The following AKAP9 variants were observed in gnomAD, a reference collection of about 807,000 sequenced individuals.
AKAP9 encodes A-kinase anchoring protein 9.
Under a neutral mutation model 488.5 loss-of-function variants are expected in AKAP9, and 311 were observed. The observed-to-expected ratio is 0.64, with a 90% confidence interval of 0.58 to 0.70. AKAP9 has a LOEUF of 0.70. Among genes scored for constraint, AKAP9 ranks in the 30% least tolerant of loss-of-function variants. The probability of loss-of-function intolerance (pLI) is 0.00; values close to 1 mark genes in which losing one functional copy is unlikely to be tolerated. For synonymous variants in AKAP9, 1,462 were observed against 1,483.5 expected (o/e 0.99, Z 0.33); for missense variants, 4,215 against 4,374.5 (o/e 0.96, Z 1.03).
At chr7:92,060,607 A>G (rs1809600975) in intron 22 of AKAP9, among the ~76,000 whole-genome samples, 1 of 152,170 alleles carries the variant, frequency 6.6e-6, no homozygotes, top group African/African-American at 2.4e-5. Context: ...TATTGGTAAT[A>G]TTTTAAGGAA....
chr7:91,995,582 G>T, intron 6 of AKAP9, 21 bp from the exon 7 acceptor site: 1 of 1,610,570 alleles, frequency 6.2e-7, no homozygotes, highest in South Asian at 1.1e-5. Flanking sequence ...TTAACGTTTT[G>T]AGGTTTCTTT....
chr7:91,992,443 C>T (rs1797866395), intron 4 of AKAP9, among the ~76,000 whole-genome samples: 1 of 152,006 alleles, frequency 6.6e-6, no homozygotes, highest in Non-Finnish European at 1.5e-5. Context: ...GCAGGTGGAT[C>T]ACCTGAGATA....
chr7:91,994,211 A>G (rs1032460252), intron 5 of AKAP9, among the ~76,000 whole-genome samples: 2 of 152,250 alleles, frequency 1.3e-5, no homozygotes, highest in African/African-American at 4.8e-5. Flanking sequence ...TTAGACTGCC[A>G]TAACTGTCTA....
chr7:92,062,939 C>T (rs1584382383), intron 24 of AKAP9, among the ~76,000 whole-genome samples: 1 of 152,048 alleles, frequency 6.6e-6, no homozygotes, highest in Non-Finnish European at 1.5e-5. Flanking sequence ...GGCTGGTAGG[C>T]TGACATCTAG....
At chr7:92,086,012 C>T (rs540515613) in intron 36 of AKAP9, among the ~76,000 whole-genome samples, 1 of 152,198 alleles carries the variant, frequency 6.6e-6, no homozygotes, top group South Asian at 2.1e-4. Flanking sequence ...ATCGCTTGAA[C>T]CTGGGAGGTG....
Position 92,040,831 on chromosome 7 carries a change from A to C in AKAP9, c.4850A>C (p.Glu1617Ala). Residue 1617 changes from glutamate to alanine, a missense_variant, in exon 18 of 50, where the codon GAG (glutamate) becomes GCG (alanine). Coordinates refer to ENST00000356239, the MANE Select transcript of AKAP9 (RefSeq NM_005751.5). ...AGGCAAGCACATATGCGGCAAATGG[A>C]GAGACAGCGAGAAGACCAGGAACAG... ...LLRQAHMRQMERQREDQEQLQ... is the reference protein window; with the variant it reads ...LLRQAHMRQMARQREDQEQLQ... The C allele has an allele frequency of 6.2e-7, 1 of 1,614,084 alleles. No individual in the cohort carries two copies. The highest frequency in any genetic ancestry group is 8.5e-7 in the Non-Finnish European group (1 of 1,180,018).
rs886039037 is a variant in AKAP9, at chr7:92,040,677, C to G, written c.4696C>G (p.His1566Asp). 5.6e-6 allele frequency: 7 copies of G among 1,245,882 alleles called. No homozygotes were observed. Among genetic ancestry groups the G allele is most frequent in the Non-Finnish European group, 8.0e-6 (7 of 874,490 alleles). 77.2% of individuals were successfully genotyped at this position (1,245,882 alleles called of 1,614,324 possible). A position where few individuals can be genotyped will look rare whatever the true frequency, so the allele number is the denominator to read the frequency against. Reference protein sequence around the residue: ...DKTFIVRQSIHDEISVSSMDA... With the variant: ...DKTFIVRQSIDDEISVSSMDA... ...TTTTTTTTTTTTACTATTAAAGATT[C>G]ATGATGAGATTTCAGTGTCAAGCAT... The change falls in exon 18 of 50, where the codon CAT becomes GAT. Residue 1566 changes from histidine to aspartate, a missense_variant. His to Asp is a moderately conservative substitution (Grantham distance 81). This residue lies in a region of AKAP9 where 2,361 missense variants were observed against 2,430.0 expected (regional missense o/e 0.97). Coordinates refer to ENST00000356239, the MANE Select transcript of AKAP9 (RefSeq NM_005751.5).
At position 92,070,042 on chromosome 7, in the gene AKAP9, G is replaced by T. The variant is rs761921630; in HGVS notation, c.6343G>T (p.Ala2115Ser). 6 of 1,612,408 alleles carry T rather than the reference G, an allele frequency of 3.7e-6. No individual in the cohort carries two copies. The South Asian group carries it at 4.4e-5, about 12-fold the overall frequency. ...EHQTREVEQLANHLKEKTDKC... is the reference protein window; with the variant it reads ...EHQTREVEQLSNHLKEKTDKC... Reference sequence around the variant, plus strand: ...TCTTATATTTCAGGTTGAACAGTTAGCAAATCATCTGAAAGAAAAAACAGA... The same window carrying T: ...TCTTATATTTCAGGTTGAACAGTTATCAAATCATCTGAAAGAAAAAACAGA... The change falls in exon 27 of 50, where the codon GCA (alanine) becomes TCA (serine). Residue 2115 changes from alanine to serine, a missense_variant. Ala to Ser is a moderately conservative substitution (Grantham distance 99). Transcript: ENST00000356239.
chr7:91,953,293 T>C (rs1792506465), intron 1 of AKAP9, among the ~76,000 whole-genome samples: 1 of 152,210 alleles, frequency 6.6e-6, no homozygotes, highest in Admixed American at 6.5e-5. Flanking sequence ...GGCAAGATTG[T>C]GAAATCAGTT....
Position 92,083,469 on chromosome 7 carries a change from A to G in AKAP9, c.8460A>G (p.Ile2820Met). 1 of 1,613,530 alleles carries G rather than the reference A, an allele frequency of 6.2e-7. No individual in the cohort carries two copies. Among genetic ancestry groups the G allele is most frequent in the Non-Finnish European group, 8.5e-7 (1 of 1,179,600 alleles). The change falls in exon 33 of 50, where the codon ATA (isoleucine) becomes ATG (methionine). Residue 2820 changes from isoleucine (I) to methionine (M), a missense_variant. Physicochemically the swap from Ile to Met is conservative, Grantham distance 10 (BLOSUM62 1). Transcript: ENST00000356239. ...GTTCCTCAGAAGAAGTTACTGAAAT[A>G]ATCAGTCAGTTTACTGAAAAAATTG... ...SECSSEEVTE[I>M]ISQFTEKIEK...
intron 1 of AKAP9, among the ~76,000 whole-genome samples, chr7:91,947,157 GGTGTGTGTGTGTGTGTGCGTGTGTGT>G (rs1011765172): frequency 5.8e-5 from 7 of 120,898 alleles, no homozygotes; most frequent in Admixed American, 3.7e-4. Context: ...TGGTGTCTGG[GGTGTGTGTGTGTGTGTGCGTGTGTGT>G]GTGTGTGTGT....
intron 5 of AKAP9, among the ~76,000 whole-genome samples, chr7:91,993,477 T>G (rs1798030301): frequency 6.6e-6 from 1 of 152,074 alleles, no homozygotes; most frequent in Non-Finnish European, 1.5e-5. Flanking sequence ...AAATGGTAAC[T>G]TAGTGGGACA....
intron 7 of AKAP9, among the ~76,000 whole-genome samples, chr7:91,999,436 T>C (rs116195112): frequency 0.012 from 1,820 of 152,206 alleles, 40 homozygotes; most frequent in African/African-American, 0.041. Context: ...ATGAGGCTAA[T>C]GTTTAAAGCT....
intron 41 of AKAP9, 64 bp downstream of exon 41, chr7:92,097,421 T>C: frequency 1.3e-6 from 2 of 1,575,090 alleles, no homozygotes; most frequent in East Asian, 2.4e-5. Context: ...GATCATTAAA[T>C]TTTGATATTG....
At chr7:91,982,333 C>G (rs908653049) in intron 3 of AKAP9, among the ~76,000 whole-genome samples, 1 of 151,934 alleles carries the variant, frequency 6.6e-6, no homozygotes, top group Non-Finnish European at 1.5e-5. Context: ...TAATGCTATC[C>G]CTCCCCCAGC....
chr7:92,101,113 C>CT lies in AKAP9; in HGVS notation c.11097+57_11097+58insT. On this transcript the variant is annotated intron_variant, in intron 45 of 49. Coordinates refer to ENST00000356239, the MANE Select transcript of AKAP9 (RefSeq NM_005751.5). ...CTGGTTCTATGTTTTTGCCTTCTTTCATCTCTCACTGACCTTAAATAAACA... is the reference window on the plus strand; with the variant it reads ...CTGGTTCTATGTTTTTGCCTTCTTTCTATCTCTCACTGACCTTAAATAAACA... 4 of 1,536,086 alleles carry CT rather than the reference C, an allele frequency of 2.6e-6. No individual in the cohort carries two copies. In the South Asian group the frequency reaches 4.7e-5, roughly 18 times the overall value.
At chr7:92,088,063 G>T (rs976959090) in intron 37 of AKAP9, among the ~76,000 whole-genome samples, 1 of 152,056 alleles carries the variant, frequency 6.6e-6, no homozygotes, top group African/African-American at 2.4e-5. Context: ...GAAAAGGTTT[G>T]TTAAGAAAGT....
intron 21 of AKAP9, among the ~76,000 whole-genome samples, chr7:92,049,492 T>G (rs892816266): frequency 6.6e-6 from 1 of 152,008 alleles, no homozygotes; most frequent in Non-Finnish European, 1.5e-5. Flanking sequence ...GCGCCTGTAG[T>G]CCCAGCTACT....
intron 12 of AKAP9, among the ~76,000 whole-genome samples, chr7:92,020,280 G>A (rs1562993550): frequency 1.3e-5 from 2 of 152,008 alleles, no homozygotes; most frequent in South Asian, 2.1e-4. Flanking sequence ...TTTCCCAAAT[G>A]CACCCTGATC....
Sources: gnomAD v4.1 joint callset for allele counts (sites outside exome capture counted in the v4.1 genomes callset) on GRCh38, gnomAD v4.1.1 for gene constraint, gnomAD v4.1.1 regional missense constraint, MANE v1.5 for transcripts, NCBI Gene and HGNC (gene_info 2026-07-23, HGNC 2026-07-21) for gene names.